The following SLCO3A1 variants were observed in gnomAD, a reference collection of about 807,000 sequenced individuals.
SLCO3A1 encodes solute carrier organic anion transporter family member 3A1, also known as PGE1 transporter.
Under a neutral mutation model 63.1 loss-of-function variants are expected in SLCO3A1, and 27 were observed. The observed-to-expected ratio is 0.43, with a 90% CI of 0.32 to 0.59. SLCO3A1 has a LOEUF of 0.59. SLCO3A1 is among the 20% of genes least tolerant of loss of function. The probability of loss-of-function intolerance (pLI) is 0.09; values close to 1 mark genes in which losing one functional copy is unlikely to be tolerated. For missense variants in SLCO3A1, 773 were observed against 945.8 expected (o/e 0.82, Z 2.40); for synonymous variants, 473 against 409.9 (o/e 1.15, Z -1.86).
Position 91,885,460 on chromosome 15 carries a change from T to A in SLCO3A1, c.181-30533T>A, listed in dbSNP as rs1401876081. Among the ~76,000 whole-genome samples, 15 of 152,218 alleles carry A rather than the reference T, an allele frequency of 9.9e-5. No homozygotes were observed. Reference sequence around the variant, plus strand: ...AAGAAGCCGGGCAGATGCCTCTTTGTTCCAGCAGCCAAACTCCAGCATGTC... The same window carrying A: ...AAGAAGCCGGGCAGATGCCTCTTTGATCCAGCAGCCAAACTCCAGCATGTC... On this transcript the variant is annotated intron_variant, in intron 1 of 9. Transcript: ENST00000318445. This position sits in a 1 kb window ranked among gnomAD's most constrained non-coding sequence, Gnocchi z 4.7.
At chr15:91,893,613 T>C (rs1212993127) in intron 1 of SLCO3A1, among the ~76,000 whole-genome samples, 1 of 152,112 alleles carries the variant, frequency 6.6e-6, no homozygotes, top group Non-Finnish European at 1.5e-5. Context: ...TACTATCACA[T>C]TGGTGGTTAG....
At chr15:91,870,306 C>G (rs1897255681) in intron 1 of SLCO3A1, among the ~76,000 whole-genome samples, 1 of 152,108 alleles carries the variant, frequency 6.6e-6, no homozygotes, top group South Asian at 2.1e-4. Flanking sequence ...TTTAATTTCA[C>G]TGAAACTTAA....
chr15:92,163,417 G>A lies in SLCO3A1; in HGVS notation c.*282G>A. On this transcript the variant is annotated 3_prime_UTR_variant, in exon 10 of 10. Transcript: ENST00000318445. ...GAAGGCACCTCATGGTTTTCAGGAT[G>A]CTGACAGCTGCAAGCAACAGGCACT... 9.2e-7 allele frequency: 1 copy of A among 1,082,788 alleles called. No homozygotes were observed. The highest frequency in any genetic ancestry group is 1.1e-6 in the Non-Finnish European group (1 of 893,922). 67.1% of individuals were successfully genotyped at this position (1,082,788 alleles called of 1,614,324 possible). A position where few individuals can be genotyped will look rare whatever the true frequency, so the allele number is the denominator to read the frequency against.
In SLCO3A1 at chr15:92,164,127, C is replaced by T. The variant is rs1048004369; in HGVS notation, c.*992C>T. ...AACTACTTCTAAAATCTGTGTTAAC[C>T]CTTCAAGTCACTAACACAGTTCTCT... On this transcript the variant is annotated 3_prime_UTR_variant, in exon 10 of 10. Coordinates refer to ENST00000318445, the MANE Select transcript of SLCO3A1 (RefSeq NM_013272.4). 1 of 980,638 alleles carries T rather than the reference C, an allele frequency of 1.0e-6. No homozygotes were observed. Among genetic ancestry groups the T allele is most frequent in the African/African-American group, 1.7e-5 (1 of 57,238 alleles). The allele number at this position is 980,638 out of a possible 1,614,324, so 60.7% of individuals were successfully genotyped here.
At chr15:91,921,074 A>G (rs971677348) in intron 2 of SLCO3A1, among the ~76,000 whole-genome samples, 2 of 152,226 alleles carry the variant, frequency 1.3e-5, no homozygotes, top group African/African-American at 2.4e-5. Context: ...GGAGGCTTAA[A>G]TGACAGAAGG....
intron 2 of SLCO3A1, among the ~76,000 whole-genome samples, chr15:92,032,602 T>C (rs2046666635): frequency 2.0e-5 from 3 of 151,886 alleles, no homozygotes; most frequent in South Asian, 4.2e-4. Flanking sequence ...GGGTGAAAGC[T>C]TTGGGTAGTG....
intron 2 of SLCO3A1, among the ~76,000 whole-genome samples, chr15:92,042,838 G>C (rs115166827): frequency 2.6e-4 from 39 of 152,204 alleles, no homozygotes; most frequent in African/African-American, 9.4e-4. Context: ...AGTTGATGTC[G>C]TGTTTTGGGA....
chr15:91,966,433 ATCT>A (rs1900664312), intron 2 of SLCO3A1, among the ~76,000 whole-genome samples: 1 of 152,220 alleles, frequency 6.6e-6, no homozygotes, highest in African/African-American at 2.4e-5. Context: ...CAGTACCAGC[ATCT>A]CTGAGGAAGA....
At position 92,047,565 on chromosome 15, in the gene SLCO3A1, T is replaced by A. The variant is rs1301857654; in HGVS notation, c.647-47316T>A. Among the ~76,000 whole-genome samples the A allele has an allele frequency of 8.3e-5, 2 of 24,234 alleles. 1 individual carries two copies. The highest frequency in any genetic ancestry group is 1.8e-3 in the East Asian group (2 of 1,082). The allele number at this position is 24,234 out of a possible 152,430, so 15.9% of individuals were successfully genotyped here. A position where few individuals can be genotyped will look rare whatever the true frequency, so the allele number is the denominator to read the frequency against. Reference sequence around the variant, plus strand: ...TATAATATATAAATATATAAATATATATATAAATATATATATAATATATAT... The same window carrying A: ...TATAATATATAAATATATAAATATAAATATAAATATATATATAATATATAT... On this transcript the variant is annotated intron_variant, in intron 2 of 9. Coordinates refer to ENST00000318445, the MANE Select transcript of SLCO3A1 (RefSeq NM_013272.4).
intron 2 of SLCO3A1, among the ~76,000 whole-genome samples, chr15:92,052,268 T>C (rs1395928879): frequency 6.6e-6 from 1 of 152,180 alleles, no homozygotes; most frequent in Non-Finnish European, 1.5e-5. Context: ...TATCAAGTTC[T>C]CTCTCTCCAC....
rs372142446 is a variant in SLCO3A1, at chr15:92,094,775, T to C, written c.647-106T>C. The C allele has an allele frequency of 1.7e-5, 12 of 701,176 alleles. No individual in the cohort carries two copies. In the Admixed American group the frequency reaches 2.1e-4, roughly 12 times the overall value. The allele number at this position is 701,176 out of a possible 1,614,324, so 43.4% of individuals were successfully genotyped here. Reference sequence around the variant, plus strand: ...CTAGGATTTTTAGATGAATTCCTAATGTCATCTCATCTCATCAATGTAAAA... The same window carrying C: ...CTAGGATTTTTAGATGAATTCCTAACGTCATCTCATCTCATCAATGTAAAA... On this transcript the variant is annotated intron_variant, in intron 2 of 9. Transcript: ENST00000318445.
chr15:92,037,077 T>G lies in SLCO3A1; in HGVS notation c.647-57804T>G, dbSNP rs150511499. On this transcript the variant is annotated intron_variant, in intron 2 of 9. Transcript: ENST00000318445. ...ATACCCTGTCCTCACAAGAGCAATA[T>G]GCAATACGGTAGCATCATGCCGTGG... Among the ~76,000 whole-genome samples, 8 of 152,302 alleles carry G rather than the reference T, an allele frequency of 5.3e-5. No individual in the cohort carries two copies. The East Asian group carries it at 5.8e-4, about 11-fold the overall frequency.
chr15:92,150,595 C>G (rs1467636897), intron 8 of SLCO3A1, among the ~76,000 whole-genome samples: 1 of 152,006 alleles, frequency 6.6e-6, no homozygotes, highest in Admixed American at 6.6e-5. Flanking sequence ...TTTTCCCCCC[C>G]ATACGTGTAC....
intron 1 of SLCO3A1, among the ~76,000 whole-genome samples, chr15:91,864,019 T>G (rs1164552466): frequency 2.6e-5 from 4 of 152,230 alleles, no homozygotes; most frequent in Non-Finnish European, 5.9e-5. Context: ...GTTTTGCAGC[T>G]TTGCAGCTTG....
At chr15:92,055,661 G>C (rs1047865162) in intron 2 of SLCO3A1, among the ~76,000 whole-genome samples, 1 of 152,198 alleles carries the variant, frequency 6.6e-6, no homozygotes, top group Non-Finnish European at 1.5e-5. Context: ...TGCCATGGCA[G>C]ACAAGAGAAA....
At chr15:92,135,309 C>G (rs1415028050) in intron 7 of SLCO3A1, among the ~76,000 whole-genome samples, 1 of 152,180 alleles carries the variant, frequency 6.6e-6, no homozygotes, top group African/African-American at 2.4e-5. Context: ...AACCCCCTTC[C>G]TCCCCTCAGC....
chr15:91,980,829 C>T (rs890943546), intron 2 of SLCO3A1, among the ~76,000 whole-genome samples: 12 of 152,188 alleles, frequency 7.9e-5, no homozygotes, highest in Admixed American at 5.2e-4. Context: ...CACCAGCCTA[C>T]TTTTCCCAGG....
Position 91,859,343 on chromosome 15 carries a change from T to C in SLCO3A1, c.180+5255T>C, listed in dbSNP as rs1310276575. Among the ~76,000 whole-genome samples, 1 of 152,220 alleles carries C rather than the reference T, an allele frequency of 6.6e-6. No homozygotes were observed. Among genetic ancestry groups the C allele is most frequent in the African/African-American group, 2.4e-5 (1 of 41,452 alleles). On this transcript the variant is annotated intron_variant, in intron 1 of 9. Transcript: ENST00000318445. This position sits in a 1 kb window ranked among gnomAD's most constrained non-coding sequence, Gnocchi z 5.1. Reference sequence around the variant, plus strand: ...TTTATTTTCGGTTTCTATGTCTGTATCTGGAAAACAGATATAAACAGGAAA... The same window carrying C: ...TTTATTTTCGGTTTCTATGTCTGTACCTGGAAAACAGATATAAACAGGAAA...
intron 1 of SLCO3A1, among the ~76,000 whole-genome samples, chr15:91,889,718 G>A (rs766779414): frequency 3.3e-5 from 5 of 152,224 alleles, no homozygotes; most frequent in Non-Finnish European, 7.3e-5. Context: ...AATCAACCAG[G>A]CCATTAAGGT....
Sources: allele counts gnomAD v4.1 joint callset (sites outside exome capture counted in the v4.1 genomes callset), GRCh38; gene constraint gnomAD v4.1.1; non-coding constraint Gnocchi (gnomAD v3.1); transcripts MANE v1.5; gene names NCBI Gene and HGNC (gene_info 2026-07-23, HGNC 2026-07-21).